SHLD2: variants seen among roughly 807,000 people sequenced by gnomAD.
The protein encoded by SHLD2 is shieldin complex subunit 2.
Under a neutral mutation model 73.2 loss-of-function variants are expected in SHLD2, and 30 were observed. That is an observed-to-expected ratio of 0.41 (90% confidence interval 0.31 to 0.56). SHLD2 has a LOEUF of 0.56. Among genes scored for constraint, SHLD2 ranks in the 20% least tolerant of loss-of-function variants. The pLI is 0.28. For synonymous variants in SHLD2, 285 were observed against 370.1 expected, an observed-to-expected ratio of 0.77 and a Z score of 2.64; for missense variants, 745 against 1,055.9, an observed-to-expected ratio of 0.71 and a Z score of 4.08.
Position 87,158,088 on chromosome 10 carries a change from A to G in SHLD2, c.1566A>G (p.Val522=). 6.2e-7 allele frequency: 1 copy of G among 1,611,552 alleles called. No individual in the cohort carries two copies. Among genetic ancestry groups the G allele is most frequent in the Non-Finnish European group, 8.5e-7 (1 of 1,179,596 alleles). The stretch of plus-strand genomic sequence containing the variant: ...AGGACCAATGGATTGGCGAGACAGT[A>G]CTACAATCAACATTTAGCAGTCAGT... ...IHEDQWIGET[V]LQSTFSSQLL... The change falls in exon 4 of 10, where the codon GTA becomes GTG. Residue 522 remains valine, a synonymous_variant. Coordinates refer to ENST00000298786, the MANE Select transcript of SHLD2 (RefSeq NM_001330112.2).
chr10:87,103,839 C>T (rs958510275), intron 2 of SHLD2, among the ~76,000 whole-genome samples: 3 of 152,194 alleles, frequency 2.0e-5, no homozygotes, highest in Non-Finnish European at 2.9e-5. Context: ...GGTTTATCAA[C>T]TCTTGGTTAA....
chr10:87,149,366 A>G (rs1290028995), intron 2 of SHLD2, among the ~76,000 whole-genome samples: 1 of 151,980 alleles, frequency 6.6e-6, no homozygotes, highest in Non-Finnish European at 1.5e-5. Context: ...TCTTTCTATG[A>G]GGATTAAATG....
At chr10:87,157,787 T>G (rs182534760) in intron 3 of SHLD2, among the ~76,000 whole-genome samples, 87 of 152,334 alleles carry the variant, frequency 5.7e-4, no homozygotes, top group African/African-American at 2.0e-3. Context: ...AAATAAAAAC[T>G]ATTAAGCCTT....
rs779533276 is a variant in SHLD2 at position 87,152,218 on chromosome 10, G to T, written c.864G>T (p.Glu288Asp). 9 of 1,583,896 alleles carry T rather than the reference G, an allele frequency of 5.7e-6. No homozygotes were observed. The highest frequency in any genetic ancestry group is 3.5e-5 in the Admixed American group (2 of 57,134). ...ACGGGGAGATAAGAATACCTGAAGA[G>T]AATTCGATTCAGCTTGATGGTTTTA... ...ASYGEIRIPE[E>D]NSIQLDGFTE... Residue 288 changes from glutamate (E) to aspartate (D), a missense_variant, in exon 3 of 10, where the codon GAG (glutamate) becomes GAT (aspartate). Physicochemically the swap from Glu to Asp is conservative, Grantham distance 45. Coordinates refer to ENST00000298786, the MANE Select transcript of SHLD2 (RefSeq NM_001330112.2).
intron 2 of SHLD2, chr10:87,113,900 G>T (rs1328593514): frequency 6.6e-6 from 1 of 152,120 alleles, no homozygotes; most frequent in East Asian, 1.9e-4. Context: ...CAGCTACTGG[G>T]GAGGCTGAGG....
intron 3 of SHLD2, 137 bp downstream of exon 3, chr10:87,153,016 G>C (rs531698767): frequency 1.2e-6 from 1 of 822,100 alleles, no homozygotes. Context: ...TCCCTTTATC[G>C]CATCTGCATT....
intron 2 of SHLD2, among the ~76,000 whole-genome samples, chr10:87,121,410 A>T (rs575064393): frequency 1.4e-4 from 21 of 152,296 alleles, no homozygotes; most frequent in Non-Finnish European, 2.5e-4. Flanking sequence ...GGTGAGAGCC[A>T]CCAAGCCCGG....
intron 2 of SHLD2, among the ~76,000 whole-genome samples, chr10:87,138,723 T>C (rs2261364): frequency 6.6e-6 from 1 of 152,166 alleles, no homozygotes; most frequent in Non-Finnish European, 1.5e-5. Flanking sequence ...TACATCTGCC[T>C]AAGAGGGATT....
chr10:87,187,467 A>G (rs1848690345), intron 9 of SHLD2, among the ~76,000 whole-genome samples: 1 of 152,212 alleles, frequency 6.6e-6, no homozygotes, highest in South Asian at 2.1e-4. Context: ...ACTTAACTCT[A>G]GTTTTATAAG....
intron 2 of SHLD2, among the ~76,000 whole-genome samples, chr10:87,144,120 C>T (rs904685458): frequency 6.6e-6 from 1 of 152,106 alleles, no homozygotes; most frequent in Non-Finnish European, 1.5e-5. Flanking sequence ...ACTTCGGCCT[C>T]CCAAAGTGCT....
chr10:87,167,551 T>C (rs1847288430), intron 4 of SHLD2, among the ~76,000 whole-genome samples: 1 of 152,148 alleles, frequency 6.6e-6, no homozygotes, highest in Admixed American at 6.5e-5. Context: ...ATATATTGTG[T>C]TTTTGGAAAG....
At chr10:87,106,960 T>C (rs925710451) in intron 2 of SHLD2, among the ~76,000 whole-genome samples, 5 of 152,160 alleles carry the variant, frequency 3.3e-5, no homozygotes, top group African/African-American at 1.2e-4. Context: ...GCCTTTTACA[T>C]AGTTACTGTC....
At chr10:87,101,039 C>G (rs979418406) in intron 2 of SHLD2, among the ~76,000 whole-genome samples, 5 of 152,186 alleles carry the variant, frequency 3.3e-5, no homozygotes, top group Non-Finnish European at 7.3e-5. Context: ...TAAAACTTCT[C>G]TCAGGACTGT....
intron 2 of SHLD2, among the ~76,000 whole-genome samples, chr10:87,143,450 T>C (rs1845351521): frequency 6.6e-6 from 1 of 152,196 alleles, no homozygotes; most frequent in Admixed American, 6.5e-5. Context: ...TCCTCTTTTT[T>C]TCCCCCTTAG....
chr10:87,109,979 A>G (rs1842822741), intron 2 of SHLD2, among the ~76,000 whole-genome samples: 1 of 152,204 alleles, frequency 6.6e-6, no homozygotes, highest in Non-Finnish European at 1.5e-5. Flanking sequence ...AAGTGATTTC[A>G]TAGATTCTGT....
chr10:87,187,086 C>T lies in SHLD2; in HGVS notation c.2401C>T (p.Pro801Ser), dbSNP rs767041179. ...CGTGTGTTGTTTACTCTTTTGTAGGCCAGCGTTAATGACTGCCATTGATGG... is the reference window on the plus strand; with the variant it reads ...CGTGTGTTGTTTACTCTTTTGTAGGTCAGCGTTAATGACTGCCATTGATGG... Reference protein sequence around the residue: ...PFTMKKIYYRPALMTAIDGRH... With the variant: ...PFTMKKIYYRSALMTAIDGRH... Residue 801 changes from proline (P) to serine (S), a missense_variant and splice_region_variant, in exon 9 of 10, where the codon CCA becomes TCA. Transcript: ENST00000298786. The T allele has an allele frequency of 2.5e-6, 4 of 1,596,864 alleles. No individual in the cohort carries two copies. Among genetic ancestry groups the T allele is most frequent in the East Asian group, 2.2e-5 (1 of 44,722 alleles).
At chr10:87,118,211 G>A (rs1307553892) in intron 2 of SHLD2, among the ~76,000 whole-genome samples, 3 of 152,112 alleles carry the variant, frequency 2.0e-5, no homozygotes, top group African/African-American at 7.2e-5. Flanking sequence ...AACCAGTATG[G>A]AAACAGGCTT....
intron 4 of SHLD2, among the ~76,000 whole-genome samples, chr10:87,167,143 A>C (rs1362258953): frequency 8.5e-5 from 13 of 152,164 alleles, no homozygotes; most frequent in Admixed American, 4.6e-4. Context: ...TTTAAGGATG[A>C]TCTAGATTCA....
intron 1 of SHLD2, 30 bp from the exon 2 acceptor site, chr10:87,096,904 C>T (rs1841937615): frequency 6.6e-6 from 1 of 152,148 alleles, no homozygotes; most frequent in South Asian, 2.1e-4. Context: ...AAGTCATTGT[C>T]ATTAATTGTA....
Sources: gnomAD v4.1 joint callset for allele counts (sites outside exome capture counted in the v4.1 genomes callset) on GRCh38, gnomAD v4.1.1 for gene constraint, MANE v1.5 for transcripts, NCBI Gene and HGNC (gene_info 2026-07-23, HGNC 2026-07-21) for gene names.